MAD1L1: variants seen among roughly 807,000 people sequenced by gnomAD.
MAD1L1 encodes mitotic arrest deficient 1 like 1, also known as mitotic spindle assembly checkpoint protein MAD1.
Under a neutral mutation model 96.9 loss-of-function variants are expected in MAD1L1, and 95 were observed. That is an observed-to-expected ratio of 0.98 (90% CI 0.83 to 1.16). MAD1L1 has a LOEUF of 1.16. Ranked by LOEUF, MAD1L1 falls within the 50% of genes most tolerant of loss-of-function variation. The pLI is 0.00. For missense variants in MAD1L1, 1,007 were observed against 954.4 expected, an observed-to-expected ratio of 1.06 and a Z score of -0.73; for synonymous variants, 473 against 396.6, an observed-to-expected ratio of 1.19 and a Z score of -2.29.
At chr7:1,831,857 G>C (rs1484817339) in intron 18 of MAD1L1, among the ~76,000 whole-genome samples, 3 of 152,172 alleles carry the variant, frequency 2.0e-5, no homozygotes, top group Non-Finnish European at 4.4e-5. Context: ...GCCCACTGTT[G>C]AGACCTCCTG....
chr7:2,045,279 G>A (rs79024151), intron 12 of MAD1L1, among the ~76,000 whole-genome samples: 2,238 of 152,218 alleles, frequency 0.015, 30 homozygotes, highest in Middle Eastern at 0.027. Flanking sequence ...GAGAGTCCTC[G>A]TATCCCTGTG....
chr7:2,005,992 T>G (rs1782014169), intron 13 of MAD1L1, among the ~76,000 whole-genome samples: 1 of 150,482 alleles, frequency 6.6e-6, no homozygotes, highest in African/African-American at 2.5e-5. Context: ...TCCAGGAGTG[T>G]GAAATGGAGA....
intron 12 of MAD1L1, among the ~76,000 whole-genome samples, chr7:2,016,596 G>C (rs2128499116): frequency 6.6e-6 from 1 of 152,350 alleles, no homozygotes; most frequent in African/African-American, 2.4e-5. Context: ...CCACAGGCGA[G>C]GAGGGCGAGG....
intron 15 of MAD1L1, among the ~76,000 whole-genome samples, chr7:1,970,619 C>G (rs1780362286): frequency 6.6e-6 from 1 of 152,126 alleles, no homozygotes; most frequent in Admixed American, 6.5e-5. Flanking sequence ...AAGGCGTGAG[C>G]CACCATGCCC....
intron 12 of MAD1L1, among the ~76,000 whole-genome samples, chr7:2,018,336 C>T (rs555724544): frequency 6.6e-6 from 1 of 152,240 alleles, no homozygotes; most frequent in Admixed American, 6.5e-5. Flanking sequence ...AAACCAGGCA[C>T]ACGGAACCCG....
At chr7:2,214,078 C>T (rs1584567191) in intron 9 of MAD1L1, among the ~76,000 whole-genome samples, 1 of 152,260 alleles carries the variant, frequency 6.6e-6, no homozygotes, top group Non-Finnish European at 1.5e-5. Flanking sequence ...ACATTCGCTA[C>T]GCGCCAGGCA....
chr7:1,878,085 A>G (rs912242408), intron 18 of MAD1L1, among the ~76,000 whole-genome samples: 1 of 152,234 alleles, frequency 6.6e-6, no homozygotes, highest in Non-Finnish European at 1.5e-5. Context: ...CAGTATACAC[A>G]AAATAAGCAA....
intron 11 of MAD1L1, among the ~76,000 whole-genome samples, chr7:2,087,824 C>A (rs957021405): frequency 7.2e-5 from 11 of 152,180 alleles, no homozygotes; most frequent in Non-Finnish European, 1.6e-4. Flanking sequence ...TCCTGCCTGT[C>A]CACAGAGAAC....
chr7:2,037,733 G>A (rs1562627380), intron 12 of MAD1L1, among the ~76,000 whole-genome samples: 1 of 152,200 alleles, frequency 6.6e-6, no homozygotes, highest in Admixed American at 6.5e-5. Context: ...ACCGACCAAC[G>A]CTGCTTGTGT....
chr7:2,118,993 A>T (rs2128560205), intron 11 of MAD1L1, among the ~76,000 whole-genome samples: 1 of 152,158 alleles, frequency 6.6e-6, no homozygotes, highest in East Asian at 1.9e-4. Flanking sequence ...CCACACGCCC[A>T]GCTGCCTGGG....
chr7:1,847,841 G>C (rs889532274), intron 18 of MAD1L1: 4 of 394,012 alleles, frequency 1.0e-5, no homozygotes, highest in African/African-American at 8.2e-5. Flanking sequence ...GCTGTGTCAA[G>C]TGAGGCTCCC....
intron 11 of MAD1L1, among the ~76,000 whole-genome samples, chr7:2,138,655 CCCCAGG>C (rs542579985): frequency 7.0e-4 from 107 of 152,304 alleles, no homozygotes; most frequent in African/African-American, 2.5e-3. Context: ...ACTCTGAGAA[CCCCAGG>C]CCCAGGGGCC....
chr7:2,009,175 C>T (rs1269189324), intron 13 of MAD1L1, among the ~76,000 whole-genome samples: 1 of 152,108 alleles, frequency 6.6e-6, no homozygotes, highest in Non-Finnish European at 1.5e-5. Context: ...GCGCCCTTGG[C>T]ACCACCGAGG....
chr7:2,177,584 T>A (rs1174353532), intron 10 of MAD1L1, among the ~76,000 whole-genome samples: 1 of 152,252 alleles, frequency 6.6e-6, no homozygotes, highest in African/African-American at 2.4e-5. Flanking sequence ...TTTTTATCTT[T>A]GTTTTGGATG....
At chr7:2,210,461 C>T (rs950646138) in intron 10 of MAD1L1, among the ~76,000 whole-genome samples, 1 of 135,150 alleles carries the variant, frequency 7.4e-6, no homozygotes, top group Non-Finnish European at 1.7e-5. Flanking sequence ...CTCTAGGAGC[C>T]GTATTCGGGA....
At chr7:2,162,703 A>G (rs571443849) in intron 10 of MAD1L1, among the ~76,000 whole-genome samples, 66 of 133,854 alleles carry the variant, frequency 4.9e-4, no homozygotes, top group African/African-American at 1.8e-3. Context: ...ATAATCCACC[A>G]CTCACAAAAA....
At chr7:1,955,279 T>G (rs186417726) in intron 16 of MAD1L1, among the ~76,000 whole-genome samples, 18 of 152,314 alleles carry the variant, frequency 1.2e-4, no homozygotes, top group African/African-American at 4.3e-4. Flanking sequence ...GGAGAGGGCA[T>G]CGCATAGTGG....
At chr7:1,887,871 GCAAGCA>G (rs773468237) in intron 18 of MAD1L1, among the ~76,000 whole-genome samples, 3 of 147,402 alleles carry the variant, frequency 2.0e-5, no homozygotes, top group Admixed American at 6.7e-5. Context: ...ACGTGTGTGT[GCAAGCA>G]TGCGTGTGTG....
chr7:1,967,071 G>A (rs1432058293), intron 15 of MAD1L1, among the ~76,000 whole-genome samples: 1 of 152,196 alleles, frequency 6.6e-6, no homozygotes, highest in East Asian at 1.9e-4. Context: ...TCAAAACACT[G>A]TATGACTGAA....
Sources: allele counts gnomAD v4.1 joint callset (sites outside exome capture counted in the v4.1 genomes callset), GRCh38; gene constraint gnomAD v4.1.1; transcripts MANE v1.5; gene names NCBI Gene and HGNC (gene_info 2026-07-23, HGNC 2026-07-21).